The following FLNC variants were observed in gnomAD, a reference collection of about 807,000 sequenced individuals.
FLNC encodes the protein filamin-C.
A neutral mutation model predicts 254.3 loss-of-function variants in FLNC; 91 were observed. That is an observed-to-expected ratio of 0.36 (90% CI 0.30 to 0.43). The LOEUF is 0.43. Among genes scored for constraint, FLNC ranks in the 20% least tolerant of loss-of-function variants. The pLI is 1.00. For synonymous variants in FLNC, 1,430 were observed against 1,577.2 expected, an observed-to-expected ratio of 0.91 and a Z score of 2.21; for missense variants, 2,853 against 3,802.6, an observed-to-expected ratio of 0.75 and a Z score of 6.57.
rs370135560 is a variant in FLNC at position 128,832,239 on chromosome 7, G to T, written c.352+1250G>T. On this transcript the variant is annotated intron_variant, in intron 1 of 47. Coordinates refer to ENST00000325888, the MANE Select transcript of FLNC (RefSeq NM_001458.5). The stretch of plus-strand genomic sequence containing the variant: ...TACTGCCCCCCCACCCCACCCGCCT[G>T]CCCTGTCCTGGAAATAGCCCTGCCT... Among the ~76,000 whole-genome samples the T allele has an allele frequency of 2.6e-5, 4 of 152,180 alleles. No homozygotes were observed. The East Asian group carries it at 5.8e-4, about 22-fold the overall frequency.
At chr7:128,847,006 C>A in intron 24 of FLNC, 101 bp downstream of exon 24, 3 of 1,460,266 alleles carry the variant, frequency 2.1e-6, no homozygotes, top group South Asian at 2.3e-5. Context: ...TAAGAATGTT[C>A]ATAGAGAGGA....
chr7:128,840,330 G>C (rs1335181631), intron 9 of FLNC, among the ~76,000 whole-genome samples, 170 bp downstream of exon 9: 4 of 152,210 alleles, frequency 2.6e-5, no homozygotes, highest in African/African-American at 7.2e-5. Flanking sequence ...TCAGTTTCTT[G>C]GTCTACAAGC....
At position 128,856,985 on chromosome 7, in the gene FLNC, G is replaced by A. The variant is rs1585172093; in HGVS notation, c.7561+64G>A. 6.3e-7 allele frequency: 1 copy of A among 1,585,174 alleles called. No individual in the cohort carries two copies. The highest frequency in any genetic ancestry group is 8.7e-7 in the Non-Finnish European group (1 of 1,155,692). ...GGTGCTTGGCCACTAGTCTGGTGCT[G>A]CTTTGCTCCAGAGGTAGGGGCCCTG... On this transcript the variant is annotated intron_variant, in intron 45 of 47. Transcript: ENST00000325888. The surrounding 1 kb of genome is among the most constrained non-coding windows in gnomAD (Gnocchi z 5.9).
chr7:128,834,157 C>T (rs991506422), intron 1 of FLNC, among the ~76,000 whole-genome samples: 2 of 152,256 alleles, frequency 1.3e-5, no homozygotes, highest in African/African-American at 2.4e-5. Context: ...CTTCCACCCC[C>T]TTCCAGCCTC....
intron 2 of FLNC, 110 bp from the exon 3 acceptor site, chr7:128,837,050 G>T: frequency 1.3e-6 from 1 of 778,258 alleles, no homozygotes; most frequent in Non-Finnish European, 2.2e-6. Flanking sequence ...CCTAGAGCTG[G>T]TGGGAAGGGG....
In FLNC at chr7:128,841,574, C is replaced by A; in HGVS notation, c.2121+7C>A. ...CCTGAAGCTCTATGCCCAGGTAGGT[C>A]ATTGTCCAGTCTCTGCTGCCCTTAC... On this transcript the variant is annotated splice_region_variant and intron_variant, in intron 13 of 47. Coordinates refer to ENST00000325888, the MANE Select transcript of FLNC (RefSeq NM_001458.5). This position sits in a 1 kb window ranked among gnomAD's most constrained non-coding sequence, Gnocchi z 4.3. 1 of 1,604,478 alleles carries A rather than the reference C, an allele frequency of 6.2e-7. No individual in the cohort carries two copies. The highest frequency in any genetic ancestry group is 8.5e-7 in the Non-Finnish European group (1 of 1,171,222).
intron 28 of FLNC, 39 bp from the exon 29 acceptor site, chr7:128,849,142 T>G (rs757434647): frequency 6.5e-7 from 1 of 1,549,890 alleles, no homozygotes; most frequent in South Asian, 1.1e-5. Context: ...CCAGCCCACG[T>G]TGAGCACCGC....
rs982485834 is a variant in FLNC at position 128,855,189 on chromosome 7, C to G, written c.7136-10C>G. On this transcript the variant is annotated splice_polypyrimidine_tract_variant and intron_variant, in intron 42 of 47. Coordinates refer to ENST00000325888, the MANE Select transcript of FLNC (RefSeq NM_001458.5). ...TCCCGGAACCTGTGCTGACTGGTCTCTCTCCCCAGGTGACTATGAGGTCTC... is the reference window on the plus strand; with the variant it reads ...TCCCGGAACCTGTGCTGACTGGTCTGTCTCCCCAGGTGACTATGAGGTCTC... 3.8e-6 allele frequency: 6 copies of G among 1,585,914 alleles called. No homozygotes were observed. The African/African-American group carries it at 5.4e-5, about 14-fold the overall frequency.
rs541775814 is a variant in FLNC at position 128,844,153 on chromosome 7, C to T, written c.3079C>T (p.Arg1027Cys). 8.1e-6 allele frequency: 13 copies of T among 1,613,932 alleles called. No individual in the cohort carries two copies. The highest frequency in any genetic ancestry group is 2.7e-5 in the African/African-American group (2 of 75,078). ...PGGGAEAQAV[R>C]YMPPEEGPYK... ...CGGTGGAGCGGAAGCCCAGGCTGTG[C>T]GCTACATGCCCCCGGAGGAGGGGCC... is the stretch of plus-strand genomic sequence containing the variant. Residue 1027 changes from arginine (R) to cysteine (C), a missense_variant, in exon 20 of 48, where the codon CGC becomes TGC. Around this residue, in one of 10 missense-constraint regions of FLNC, gnomAD observed 1,573 missense variants for 1,883.5 expected, o/e 0.84. Coordinates refer to ENST00000325888, the MANE Select transcript of FLNC (RefSeq NM_001458.5).
Position 128,842,078 on chromosome 7 carries a change from CGTG to C in FLNC, c.2122-151_2122-149del. 6.7e-6 allele frequency among the ~76,000 whole-genome samples: 1 copy of C among 150,152 alleles called. No homozygotes were observed. Among genetic ancestry groups the C allele is most frequent in the Non-Finnish European group, 1.5e-5 (1 of 67,620 alleles). ...AGGGTGGGCTCTGGCCGCCAGAGCACGTGGCCCTGGGCTCTGGTGGCCTCAGTG... is the reference window on the plus strand; with the variant it reads ...AGGGTGGGCTCTGGCCGCCAGAGCACGCCCTGGGCTCTGGTGGCCTCAGTG... On this transcript the variant is annotated intron_variant, in intron 13 of 47. Coordinates refer to ENST00000325888, the MANE Select transcript of FLNC (RefSeq NM_001458.5). This position sits in a 1 kb window ranked among gnomAD's most constrained non-coding sequence, Gnocchi z 5.4.
rs1809179767 is a variant in FLNC at position 128,858,722 on chromosome 7, G to C, written c.*199G>C. The C allele has an allele frequency of 1.7e-6, 1 of 604,530 alleles. No homozygotes were observed. Among genetic ancestry groups the C allele is most frequent in the African/African-American group, 1.8e-5 (1 of 54,138 alleles). The allele number at this position is 604,530 out of a possible 1,614,324, so 37.4% of individuals were successfully genotyped here. A position where few individuals can be genotyped will look rare whatever the true frequency, so the allele number is the denominator to read the frequency against. ...GGGTTGGAGGACCTTGTCTGTGTCA[G>C]GACAGTGTCCCTCCCTGGGAATGTG... On this transcript the variant is annotated 3_prime_UTR_variant, in exon 48 of 48. Coordinates refer to ENST00000325888, the MANE Select transcript of FLNC (RefSeq NM_001458.5). This position sits in a 1 kb window ranked among gnomAD's most constrained non-coding sequence, Gnocchi z 6.7.
chr7:128,832,129 G>A (rs1807917312), intron 1 of FLNC, among the ~76,000 whole-genome samples: 1 of 152,142 alleles, frequency 6.6e-6, no homozygotes, highest in African/African-American at 2.4e-5. Flanking sequence ...CCATCTCTAG[G>A]CCTCCTGATA....
At chr7:128,839,732 G>C (rs568901551) in intron 8 of FLNC, among the ~76,000 whole-genome samples, 2 of 152,350 alleles carry the variant, frequency 1.3e-5, no homozygotes, top group East Asian at 3.9e-4. Context: ...GCCTTGGGCT[G>C]GGTAAAGGGG....
Position 128,831,090 on chromosome 7 carries a change from G to C in FLNC, c.352+101G>C. On this transcript the variant is annotated intron_variant, in intron 1 of 47. Transcript: ENST00000325888. The stretch of plus-strand genomic sequence containing the variant: ...GGGCGCGCGGGGAGCTGAGAGACAG[G>C]GCGGAGGGCACCCCCCGGTATAGAG... 5 of 1,110,368 alleles carry C rather than the reference G, an allele frequency of 4.5e-6. No individual in the cohort carries two copies. The South Asian group carries it at 7.1e-5, about 16-fold the overall frequency. 68.8% of individuals were successfully genotyped at this position (1,110,368 alleles called of 1,614,324 possible). A position where few individuals can be genotyped will look rare whatever the true frequency, so the allele number is the denominator to read the frequency against.
At position 128,846,333 on chromosome 7, in the gene FLNC, G is replaced by A; in HGVS notation, c.3997G>A (p.Val1333Ile). The A allele has an allele frequency of 1.2e-6, 2 of 1,613,866 alleles. No individual in the cohort carries two copies. Among genetic ancestry groups the A allele is most frequent in the Non-Finnish European group, 1.7e-6 (2 of 1,180,006 alleles). ...TCTGGTGGAGGTCCTGTATGATGAG[G>A]TCGCTGTGCCCAAGAGCCCCTTCCG... ...VHLVEVLYDE[V>I]AVPKSPFRVG... Residue 1333 changes from valine (V) to isoleucine (I), a missense_variant, in exon 23 of 48, where the codon GTC becomes ATC. Physicochemically the swap from Val to Ile is conservative, Grantham distance 29 (BLOSUM62 3). Coordinates refer to ENST00000325888, the MANE Select transcript of FLNC (RefSeq NM_001458.5).
In FLNC at chr7:128,837,648, C is replaced by G; in HGVS notation, c.862C>G (p.Gln288Glu). ...AIAYGPGIEP[Q>E]GNTVLQPAHF... is the part of the protein sequence containing the mutation. ...CTCCTGCCCCGTAGGCATCGAGCCACAGGGCAACACCGTGCTGCAGCCTGC... is the reference window on the plus strand; with the variant it reads ...CTCCTGCCCCGTAGGCATCGAGCCAGAGGGCAACACCGTGCTGCAGCCTGC... Residue 288 changes from glutamine to glutamate, a missense_variant, in exon 5 of 48, where the codon CAG becomes GAG. Physicochemically the swap from Gln to Glu is conservative, Grantham distance 29. This residue lies in a region of FLNC where 1,573 missense variants were observed against 1,883.5 expected (regional missense o/e 0.84). Transcript: ENST00000325888. 6.2e-7 allele frequency: 1 copy of G among 1,612,736 alleles called. No individual in the cohort carries two copies. Among genetic ancestry groups the G allele is most frequent in the East Asian group, 2.2e-5 (1 of 44,876 alleles).
Position 128,846,022 on chromosome 7 carries a change from G to A in FLNC, c.3823G>A (p.Val1275Met), listed in dbSNP as rs748201886. The change falls in exon 22 of 48, where the codon GTG becomes ATG. Residue 1275 changes from valine (V) to methionine (M), a missense_variant. Transcript: ENST00000325888. ...GCGGGAGGTGACCACTGAGTTCACT[G>A]TGGATGCAAGATCCCTAACAGCCAC... ...VLREVTTEFT[V>M]DARSLTATGG... is the part of the protein sequence containing the mutation. 6.2e-7 allele frequency: 1 copy of A among 1,613,772 alleles called. No homozygotes were observed.
chr7:128,855,157 A>T lies in FLNC; in HGVS notation c.7136-42A>T, dbSNP rs746002861. 7 of 1,424,732 alleles carry T rather than the reference A, an allele frequency of 4.9e-6. No individual in the cohort carries two copies. The Admixed American group carries it at 1.2e-4, about 24-fold the overall frequency. 88.3% of individuals were successfully genotyped at this position (1,424,732 alleles called of 1,614,324 possible). A position where few individuals can be genotyped will look rare whatever the true frequency, so the allele number is the denominator to read the frequency against. ...GGGTGGGGAGGCTCCCGCCCTGCCA[A>T]CCTCCATCCCGGAACCTGTGCTGAC... On this transcript the variant is annotated intron_variant, in intron 42 of 47. Transcript: ENST00000325888.
rs1256634062 is a variant in FLNC, at chr7:128,841,235, G to A, written c.1879G>A (p.Asp627Asn). Residue 627 changes from aspartate (D) to asparagine (N), a missense_variant, in exon 12 of 48, where the codon GAT becomes AAT. Coordinates refer to ENST00000325888, the MANE Select transcript of FLNC (RefSeq NM_001458.5). The surrounding 1 kb of genome is among the most constrained non-coding windows in gnomAD (Gnocchi z 4.3). ...TGACGACAAGGGGGATGGCTCCTGC[G>A]ATGTGCGGTACTGGCCCACGGAGCC... ...ECDDKGDGSC[D>N]VRYWPTEPGE... 9 of 1,614,000 alleles carry A rather than the reference G, an allele frequency of 5.6e-6. No homozygotes were observed. The highest frequency in any genetic ancestry group is 3.3e-5 in the South Asian group (3 of 91,088).
Sources: gnomAD v4.1 joint callset for allele counts (sites outside exome capture counted in the v4.1 genomes callset) on GRCh38, gnomAD v4.1.1 for gene constraint, gnomAD v4.1.1 regional missense constraint, Gnocchi (gnomAD v3.1) non-coding constraint, MANE v1.5 for transcripts, NCBI Gene and HGNC (gene_info 2026-07-23, HGNC 2026-07-21) for gene names.